The following GEMIN8 variants were observed in gnomAD, a reference collection of about 807,000 sequenced individuals.
GEMIN8 encodes the protein gem nuclear organelle associated protein 8.
For synonymous variants in GEMIN8, 80 were observed against 78.5 expected (o/e 1.02, Z -0.10); for missense variants, 185 against 205.9 (o/e 0.90, Z 0.62).
At chrX:14,002,557 G>A (rs900517656), downstream of GEMIN8, among the ~76,000 whole-genome samples, 9 of 111,124 alleles carry the variant, frequency 8.1e-5, no homozygotes, top group Non-Finnish European at 1.3e-4. Context: ...GTGCAATCTC[G>A]GCTCACTGCA....
At chrX:14,005,290 C>G (rs1303245243), downstream of GEMIN8, among the ~76,000 whole-genome samples, 2 of 110,931 alleles carry the variant, frequency 1.8e-5, no homozygotes, top group African/African-American at 3.3e-5. Context: ...AGGCCCACCC[C>G]CTAACCTCCA....
chrX:14,020,190 T>C lies in GEMIN8; in HGVS notation c.360A>G (p.Glu120=). Reference sequence around the variant, plus strand: ...CTGCATCTGACTCAGTCTCCATCTCTTCCTCTTTGGACAAAGCTTGGTCTT... The same window carrying C: ...CTGCATCTGACTCAGTCTCCATCTCCTCCTCTTTGGACAAAGCTTGGTCTT... ...TKEDQALSKE[E]EMETESDAEV... Residue 120 remains glutamate (E), a synonymous_variant, in exon 4 of 5, where the codon GAA becomes GAG. Transcript: ENST00000680255. 8.3e-7 allele frequency: 1 copy of C among 1,207,546 alleles called. No homozygotes were observed. The highest frequency in any genetic ancestry group is 1.1e-6 in the Non-Finnish European group (1 of 891,777).
In GEMIN8 at chrX:14,008,147, T is replaced by G. The variant is rs1185654043; in HGVS notation, c.*766A>C. On this transcript the variant is annotated 3_prime_UTR_variant, in exon 5 of 5. Coordinates refer to ENST00000680255, the MANE Select transcript of GEMIN8 (RefSeq NM_001042479.2). ...GGCACACACCACCATGCCCGGCTCATTTTTTGTATTTTAGTAGCGACGGGT... is the reference window on the plus strand; with the variant it reads ...GGCACACACCACCATGCCCGGCTCAGTTTTTGTATTTTAGTAGCGACGGGT... 9.0e-6 allele frequency: 1 copy of G among 110,590 alleles called. No individual in the cohort carries two copies. Among genetic ancestry groups the G allele is most frequent in the African/African-American group, 3.3e-5 (1 of 30,300 alleles). 9.1% of individuals were successfully genotyped at this position (110,590 alleles called of 1,213,427 possible). A position where few individuals can be genotyped will look rare whatever the true frequency, so the allele number is the denominator to read the frequency against.
the GEMIN8 span, among the ~76,000 whole-genome samples, chrX:13,998,256 T>G: frequency 9.1e-6 from 1 of 109,688 alleles, no homozygotes; most frequent in African/African-American, 3.3e-5. Context: ...TAAATTTTTT[T>G]TATAGAGAGG....
chrX:13,998,298 C>G, the GEMIN8 span, among the ~76,000 whole-genome samples: 11 of 110,181 alleles, frequency 1.0e-4, no homozygotes, highest in East Asian at 1.1e-3. Context: ...TGTCCCCACC[C>G]GAATTTCATC....
intron 2 of GEMIN8, among the ~76,000 whole-genome samples, chrX:14,025,608 G>T (rs760162405): frequency 9.8e-5 from 11 of 111,793 alleles, no homozygotes; most frequent in African/African-American, 3.6e-4. Context: ...CAAGAAAACT[G>T]ACTATGACCA....
downstream of GEMIN8, among the ~76,000 whole-genome samples, chrX:14,004,341 GTTTGCTA>G (rs1923069535): frequency 8.9e-6 from 1 of 111,850 alleles, no homozygotes; most frequent in Non-Finnish European, 1.9e-5. Context: ...GTTTCCAATT[GTTTGCTA>G]TTATTATGTG....
At chrX:14,021,849 A>T (rs1437007848) in intron 2 of GEMIN8, among the ~76,000 whole-genome samples, 1 of 93,761 alleles carries the variant, frequency 1.1e-5, no homozygotes, top group East Asian at 3.3e-4. Context: ...TATATAGTAT[A>T]TATATACTGA....
Position 14,017,393 on chromosome X carries a change from TAC to T in GEMIN8, c.472+2683_472+2684del, listed in dbSNP as rs1167415346. On this transcript the variant is annotated intron_variant, in intron 4 of 4. Coordinates refer to ENST00000680255, the MANE Select transcript of GEMIN8 (RefSeq NM_001042479.2). ...AGATCACAGTAAAACAAATAAGTAA[TAC>T]AGTTTTTTCAGACAGATGACAAGAA... Among the ~76,000 whole-genome samples, 3 of 112,212 alleles carry T rather than the reference TAC, an allele frequency of 2.7e-5. No homozygotes were observed. In the East Asian group the frequency reaches 8.4e-4, roughly 31 times the overall value.
chrX:14,020,802 G>A (rs763189504), intron 3 of GEMIN8, among the ~76,000 whole-genome samples: 1 of 111,424 alleles, frequency 9.0e-6, no homozygotes, highest in East Asian at 2.9e-4. Context: ...ATAATGTGGG[G>A]ATGAAGGCTA....
intron 2 of GEMIN8, among the ~76,000 whole-genome samples, chrX:14,024,647 C>T (rs1924578102): frequency 8.9e-6 from 1 of 111,827 alleles, no homozygotes; most frequent in Admixed American, 9.4e-5. Flanking sequence ...AGCACTTATG[C>T]AAGAAAGAAG....
chrX:13,984,701 T>C, the GEMIN8 span, among the ~76,000 whole-genome samples: 1 of 110,890 alleles, frequency 9.0e-6, no homozygotes, highest in Non-Finnish European at 1.9e-5. Context: ...GAGTGGTGAT[T>C]CCAGGACACA....
At chrX:14,003,612 C>T (rs749641474), downstream of GEMIN8, among the ~76,000 whole-genome samples, 3 of 111,903 alleles carry the variant, frequency 2.7e-5, no homozygotes, top group African/African-American at 6.5e-5. Flanking sequence ...ATTTTATAGT[C>T]CAGCTATCTT....
Position 14,025,348 on chromosome X carries a change from A to C in GEMIN8, c.-34+792T>G, listed in dbSNP as rs193094302. On this transcript the variant is annotated intron_variant, in intron 2 of 4. Transcript: ENST00000680255. ...CGTTCTTTGCTTTAAAAAAAAAAAAAACACACACCAAACAACCCTTTAAAA... is the reference window on the plus strand; with the variant it reads ...CGTTCTTTGCTTTAAAAAAAAAAAACACACACACCAAACAACCCTTTAAAA... Among the ~76,000 whole-genome samples, 291 of 110,160 alleles carry C rather than the reference A, an allele frequency of 2.6e-3. 1 individual carries two copies. Among genetic ancestry groups the C allele is most frequent in the African/African-American group, 8.7e-3 (264 of 30,462 alleles).
the GEMIN8 span, among the ~76,000 whole-genome samples, chrX:13,996,764 TA>T: frequency 9.0e-6 from 1 of 111,477 alleles, no homozygotes; most frequent in Non-Finnish European, 1.9e-5. Flanking sequence ...CCCATCCCTG[TA>T]TGCACATCCT....
intron 3 of GEMIN8, 198 bp from the exon 4 acceptor site, chrX:14,020,732 C>T: frequency 2.4e-6 from 1 of 419,896 alleles, no homozygotes; most frequent in Non-Finnish European, 4.2e-6. Flanking sequence ...TGTATGCACA[C>T]TTGCTAAGTC....
chrX:14,011,306 C>A (rs761268954), intron 4 of GEMIN8, among the ~76,000 whole-genome samples: 25 of 111,044 alleles, frequency 2.3e-4, no homozygotes, highest in Non-Finnish European at 4.7e-4. Flanking sequence ...TTCATACAGG[C>A]CTTTCCCACT....
At position 14,007,400 on chromosome X, in the gene GEMIN8, C is replaced by T. The variant is rs1057380688; in HGVS notation, c.*1513G>A. Among the ~76,000 whole-genome samples, 7 of 112,462 alleles carry T rather than the reference C, an allele frequency of 6.2e-5. No individual in the cohort carries two copies. Among genetic ancestry groups the T allele is most frequent in the African/African-American group, 2.3e-4 (7 of 30,992 alleles). ...AAGGCAGCTGGCTTTTATAAATGAC[C>T]TGCTCCATCAGCTTTTAGATTTCAT... On this transcript the variant is annotated 3_prime_UTR_variant, in exon 5 of 5. Transcript: ENST00000680255.
chrX:14,014,100 C>T lies in GEMIN8; in HGVS notation c.473-4931G>A, dbSNP rs190768986. 1,765 of 746,081 alleles carry T rather than the reference C, an allele frequency of 2.4e-3. 2 individuals are homozygous for T. The highest frequency in any genetic ancestry group is 9.3e-3 in the Middle Eastern group (12 of 1,296). The allele number at this position is 746,081 out of a possible 1,213,427, so 61.5% of individuals were successfully genotyped here. A position where few individuals can be genotyped will look rare whatever the true frequency, so the allele number is the denominator to read the frequency against. On this transcript the variant is annotated intron_variant, in intron 4 of 4. Coordinates refer to ENST00000680255, the MANE Select transcript of GEMIN8 (RefSeq NM_001042479.2). ...AGGAAAACTTTCATCCAAGATTATT[C>T]CACACATAGAGCCCAAAGGCAGAAC... is the stretch of plus-strand genomic sequence containing the variant.
Sources: allele counts gnomAD v4.1 joint callset (sites outside exome capture counted in the v4.1 genomes callset), GRCh38; gene constraint gnomAD v4.1.1; transcripts MANE v1.5; gene names NCBI Gene and HGNC (gene_info 2026-07-23, HGNC 2026-07-21).